Variants in TPO observed in about 807,000 individuals in gnomAD.
TPO encodes thyroid peroxidase.
A neutral mutation model predicts 96.9 loss-of-function variants in TPO; 78 were observed. The ratio of observed to expected loss-of-function variants is 0.81; its 90% confidence interval spans 0.67 to 0.97. TPO has a LOEUF of 0.97. Ranked by LOEUF, TPO falls within the 50% of genes least tolerant of loss-of-function variation. The pLI is 0.00. For synonymous variants in TPO, 547 were observed against 538.0 expected, an observed-to-expected ratio of 1.02 and a Z score of -0.23; for missense variants, 1,252 against 1,274.8, an observed-to-expected ratio of 0.98 and a Z score of 0.27.
intron 7 of TPO, among the ~76,000 whole-genome samples, chr2:1,474,822 C>T (rs1191141368): frequency 6.6e-6 from 1 of 152,144 alleles, no homozygotes; most frequent in Non-Finnish European, 1.5e-5. Flanking sequence ...TCTTTGTTTT[C>T]CACACTGGGT....
intron 9 of TPO, 92 bp downstream of exon 9, chr2:1,484,946 G>C: frequency 6.4e-7 from 1 of 1,558,274 alleles, no homozygotes; most frequent in Non-Finnish European, 8.7e-7. Context: ...TAGGGTACAT[G>C]TGCACAACGT....
intron 10 of TPO, among the ~76,000 whole-genome samples, chr2:1,488,592 G>A (rs1382095647): frequency 6.6e-6 from 1 of 152,042 alleles, no homozygotes; most frequent in Non-Finnish European, 1.5e-5. Context: ...TCCCTCCTCT[G>A]GGCTCCTAGG....
intron 2 of TPO, among the ~76,000 whole-genome samples, chr2:1,422,427 C>T (rs28909368): frequency 0.57 from 77,820 of 137,052 alleles, 22,258 homozygotes; most frequent in African/African-American, 0.75. Flanking sequence ...TGGTGTGCCC[C>T]TCAGGGACTT....
intron 14 of TPO, chr2:1,512,572 T>C: frequency 1.2e-6 from 1 of 807,728 alleles, no homozygotes; most frequent in Non-Finnish European, 1.5e-6. Context: ...GAACCTGAAG[T>C]CAGGGTCCGC....
chr2:1,522,145 A>C (rs1321492499), intron 15 of TPO, among the ~76,000 whole-genome samples: 5 of 90,252 alleles, frequency 5.5e-5, no homozygotes, highest in Admixed American at 3.7e-4. Context: ...CCGTGCCCTT[A>C]CAGTCTCTAC....
rs1007090349 is a variant in TPO at position 1,509,223 on chromosome 2, T to C, written c.2518+5144T>C. Among the ~76,000 whole-genome samples, 9 of 152,356 alleles carry C rather than the reference T, an allele frequency of 5.9e-5. No homozygotes were observed. In the South Asian group the frequency reaches 6.2e-4, roughly 11 times the overall value. On this transcript the variant is annotated intron_variant, in intron 14 of 16. Coordinates refer to ENST00000329066, the MANE Select transcript of TPO (RefSeq NM_001206744.2). Reference sequence around the variant, plus strand: ...GAGTGAGTTTCTGAATCCTGAGTTCTAGTTTGATTGCACTGTGGTCGGAGA... The same window carrying C: ...GAGTGAGTTTCTGAATCCTGAGTTCCAGTTTGATTGCACTGTGGTCGGAGA...
At chr2:1,518,175 G>T (rs1674910980) in intron 15 of TPO, among the ~76,000 whole-genome samples, 1 of 152,078 alleles carries the variant, frequency 6.6e-6, no homozygotes, top group African/African-American at 2.4e-5. Context: ...CATCTTCCAG[G>T]GTGTTTCTCA....
chr2:1,505,484 CACCCCGTGTCAGGCACACCCCCA>C (rs1205979651), intron 14 of TPO, among the ~76,000 whole-genome samples: 5 of 88,630 alleles, frequency 5.6e-5, no homozygotes, highest in African/African-American at 2.1e-4. Context: ...GCATCCCCCC[CACCCCGTGTCAGGCACACCCCCA>C]CCACCATCCT....
At chr2:1,540,359 G>A (rs1680589157) in intron 15 of TPO, among the ~76,000 whole-genome samples, 1 of 152,180 alleles carries the variant, frequency 6.6e-6, no homozygotes, top group South Asian at 2.1e-4. Context: ...GTGGAGACAG[G>A]GTCCTCTTGG....
intron 10 of TPO, among the ~76,000 whole-genome samples, chr2:1,493,212 G>GGC: frequency 7.9e-6 from 1 of 127,332 alleles, no homozygotes; most frequent in South Asian, 3.1e-4. Flanking sequence ...GAGTGGGTGG[G>GGC]GGGGGGGGTG....
In TPO at chr2:1,540,525, C is replaced by A. The variant is rs1680614764; in HGVS notation, c.2619-69C>A. On this transcript the variant is annotated intron_variant, in intron 15 of 16. Coordinates refer to ENST00000329066, the MANE Select transcript of TPO (RefSeq NM_001206744.2). ...ACGGCTGCCTTGCCGTCGCTCGTGC[C>A]GTGCTCTCTACCCTCCACAGTCACG... is the stretch of plus-strand genomic sequence containing the variant. 4.4e-6 allele frequency: 7 copies of A among 1,603,848 alleles called. No individual in the cohort carries two copies. In the South Asian group the frequency reaches 6.6e-5, roughly 15 times the overall value.
Position 1,423,105 on chromosome 2 carries a change from C to G in TPO, c.155C>G (p.Thr52Ser), listed in dbSNP as rs1663948816. 1 of 1,613,966 alleles carries G rather than the reference C, an allele frequency of 6.2e-7. No individual in the cohort carries two copies. The change falls in exon 3 of 17, where the codon ACC (threonine) becomes AGC (serine). Residue 52 changes from threonine (T) to serine (S), a missense_variant. Transcript: ENST00000329066. Reference protein sequence around the residue: ...VLEESKRLVDTAMYATMQRNL... With the variant: ...VLEESKRLVDSAMYATMQRNL... ...GAGGAAAGCAAGCGCCTGGTGGACA[C>G]CGCCATGTACGCCACGATGCAGAGG...
chr2:1,454,134 C>A (rs561294377), intron 6 of TPO, among the ~76,000 whole-genome samples: 1 of 152,066 alleles, frequency 6.6e-6, no homozygotes, highest in Non-Finnish European at 1.5e-5. Context: ...ATCATGTGGG[C>A]TAGGTACATC....
chr2:1,436,563 G>A (rs1036852942), intron 5 of TPO, among the ~76,000 whole-genome samples, 179 bp downstream of exon 5: 5 of 152,102 alleles, frequency 3.3e-5, no homozygotes, highest in Non-Finnish European at 7.4e-5. Flanking sequence ...CTCAAGCAGC[G>A]TGCCAAGCAG....
intron 15 of TPO, among the ~76,000 whole-genome samples, chr2:1,531,222 G>C (rs1416440413): frequency 3.1e-3 from 182 of 58,602 alleles, no homozygotes; most frequent in African/African-American, 0.013. Context: ...ACCCCAAATC[G>C]CCCCCACTGT....
intron 9 of TPO, among the ~76,000 whole-genome samples, chr2:1,485,150 C>A (rs559422811): frequency 3.8e-4 from 57 of 151,292 alleles, no homozygotes; most frequent in African/African-American, 1.2e-3. Flanking sequence ...TGAGAACATG[C>A]GGTGTTTGGT....
intron 7 of TPO, among the ~76,000 whole-genome samples, chr2:1,464,017 A>C (rs376181561): frequency 4.1e-4 from 63 of 152,300 alleles, no homozygotes; most frequent in African/African-American, 1.4e-3. Context: ...TACACTGAAC[A>C]CAATTTGTAG....
chr2:1,392,291 C>T (rs1016443761), intron 1 of TPO, among the ~76,000 whole-genome samples: 14 of 152,136 alleles, frequency 9.2e-5, no homozygotes, highest in Admixed American at 4.6e-4. Context: ...GTTATGTTTA[C>T]GTGATGGATT....
intron 7 of TPO, among the ~76,000 whole-genome samples, chr2:1,465,389 T>C (rs1668807873): frequency 6.6e-6 from 1 of 152,196 alleles, no homozygotes; most frequent in South Asian, 2.1e-4. Flanking sequence ...CAGGCTCTTT[T>C]TTGGTTCCAT....
Sources: allele counts gnomAD v4.1 joint callset (sites outside exome capture counted in the v4.1 genomes callset), GRCh38; gene constraint gnomAD v4.1.1; transcripts MANE v1.5; gene names NCBI Gene and HGNC (gene_info 2026-07-23, HGNC 2026-07-21).